Variants in USP45 observed in about 807,000 individuals in gnomAD.
The protein encoded by USP45 is ubiquitin specific peptidase 45.
In USP45, 89 loss-of-function variants were observed where a neutral mutation model predicts 95.8. The ratio of observed to expected loss-of-function variants is 0.93; its 90% CI spans 0.78 to 1.11. The LOEUF is 1.11. USP45 is among the 50% of genes least tolerant of loss of function. The pLI is 0.00. For missense variants in USP45, 898 were observed against 942.5 expected (o/e 0.95, Z 0.62); for synonymous variants, 281 against 316.2 (o/e 0.89, Z 1.18).
intron 13 of USP45, among the ~76,000 whole-genome samples, chr6:99,456,513 T>C (rs1785127461): frequency 6.6e-6 from 1 of 152,182 alleles, no homozygotes; most frequent in Admixed American, 6.5e-5. Flanking sequence ...TTCATGGACA[T>C]TTATTAGTTC....
At chr6:99,473,964 G>A in intron 9 of USP45, among the ~76,000 whole-genome samples, 1 of 152,032 alleles carries the variant, frequency 6.6e-6, no homozygotes. Context: ...TAGAGAGGTG[G>A]CAGAAAAGGA....
chr6:99,470,554 C>T (rs779280257), intron 9 of USP45, among the ~76,000 whole-genome samples: 13 of 151,932 alleles, frequency 8.6e-5, no homozygotes, highest in Non-Finnish European at 1.8e-4. Flanking sequence ...CAATTCATAC[C>T]GTGTGACACA....
chr6:99,444,207 A>T (rs1456675472), intron 14 of USP45, among the ~76,000 whole-genome samples: 1 of 152,010 alleles, frequency 6.6e-6, no homozygotes, highest in African/African-American at 2.4e-5. Context: ...TAGACATGGG[A>T]TCTCACTATG....
intron 5 of USP45, among the ~76,000 whole-genome samples, chr6:99,495,680 A>T (rs1382711481): frequency 1.3e-5 from 2 of 152,218 alleles, no homozygotes; most frequent in Admixed American, 6.5e-5. Flanking sequence ...TAAGACACTA[A>T]CAAAATGCCA....
intron 8 of USP45, among the ~76,000 whole-genome samples, chr6:99,479,841 T>C (rs1050838327): frequency 2.8e-4 from 42 of 152,350 alleles, no homozygotes; most frequent in Non-Finnish European, 2.1e-4. Context: ...TAACATTGTA[T>C]TGGTGGTCCT....
intron 5 of USP45, among the ~76,000 whole-genome samples, chr6:99,497,756 A>C (rs1366841249): frequency 1.3e-5 from 2 of 152,186 alleles, no homozygotes; most frequent in East Asian, 3.8e-4. Context: ...TATCTGTACA[A>C]GGCCCTTAAA....
chr6:99,460,653 C>A, intron 13 of USP45: 1 of 342,016 alleles, frequency 2.9e-6, no homozygotes, highest in Middle Eastern at 1.4e-3. Flanking sequence ...TTGATAGATA[C>A]CGTAACTACA....
At chr6:99,443,729 A>G in intron 14 of USP45, 67 bp from the exon 15 acceptor site, 1 of 1,046,282 alleles carries the variant, frequency 9.6e-7, no homozygotes, top group Non-Finnish European at 1.3e-6. Context: ...TATAATAAAA[A>G]TTTATACAGA....
intron 5 of USP45, among the ~76,000 whole-genome samples, chr6:99,492,344 G>A (rs1164303648): frequency 1.3e-5 from 2 of 152,108 alleles, no homozygotes; most frequent in Non-Finnish European, 2.9e-5. Flanking sequence ...ATACCCACAG[G>A]GCAGTGGCAA....
At position 99,503,796 on chromosome 6, in the gene USP45, A is replaced by G; in HGVS notation, c.447T>C (p.Phe149=). 2 of 1,602,082 alleles carry G rather than the reference A, an allele frequency of 1.2e-6. No individual in the cohort carries two copies. The change falls in exon 5 of 18, where the codon TTT becomes TTC. Residue 149 remains phenylalanine (F), a synonymous_variant. Transcript: ENST00000500704. ...NKKVLAQIVD[F]LQKHASKTQT... is the part of the protein sequence containing the mutation. ...GTGTTTTAGAAGCATGTTTCTGGAG[A>G]AAATCAACTATCTGAGCCAAAACCT...
At chr6:99,499,099 A>G (rs1021921604) in intron 5 of USP45, among the ~76,000 whole-genome samples, 1 of 152,176 alleles carries the variant, frequency 6.6e-6, no homozygotes, top group Non-Finnish European at 1.5e-5. Flanking sequence ...AGTGATGCCT[A>G]AAAGTAAAGG....
intron 13 of USP45, among the ~76,000 whole-genome samples, chr6:99,447,257 CT>C: frequency 6.6e-6 from 1 of 152,264 alleles, no homozygotes; most frequent in South Asian, 2.1e-4. Context: ...TTCCACACAG[CT>C]GATGGCTTGA....
intron 8 of USP45, among the ~76,000 whole-genome samples, chr6:99,477,489 T>C (rs1175670365): frequency 6.6e-6 from 1 of 152,068 alleles, no homozygotes; most frequent in African/African-American, 2.4e-5. Context: ...ATTTTTGTAT[T>C]TTTAGTAGAG....
intron 7 of USP45, among the ~76,000 whole-genome samples, chr6:99,487,219 A>G (rs978705250): frequency 2.0e-5 from 3 of 152,216 alleles, no homozygotes; most frequent in Non-Finnish European, 4.4e-5. Flanking sequence ...CTAGTAAAGT[A>G]GCATTCCTTC....
Position 99,439,750 on chromosome 6 carries a change from A to G in USP45, c.2160+19T>C, listed in dbSNP as rs1554225046. 1 of 1,479,550 alleles carries G rather than the reference A, an allele frequency of 6.8e-7. No homozygotes were observed. Among genetic ancestry groups the G allele is most frequent in the East Asian group, 2.5e-5 (1 of 40,174 alleles). The allele number at this position is 1,479,550 out of a possible 1,614,324, so 91.7% of individuals were successfully genotyped here. A position where few individuals can be genotyped will look rare whatever the true frequency, so the allele number is the denominator to read the frequency against. On this transcript the variant is annotated intron_variant, in intron 16 of 17. Coordinates refer to ENST00000500704, the MANE Select transcript of USP45 (RefSeq NM_001346022.3). ...GCATATTAATTTATAAATCAATTAA[A>G]TATCTTAATATACTGTACCTTACAA...
chr6:99,468,558 C>A lies in USP45; in HGVS notation c.994G>T (p.Glu332Ter), dbSNP rs777405840. The change falls in exon 10 of 18, where the codon GAA (glutamate) becomes TAA (stop). Residue 332 changes from glutamate to a stop codon, truncating the protein, a stop_gained. Coordinates refer to ENST00000500704, the MANE Select transcript of USP45 (RefSeq NM_001346022.3). LOFTEE classifies it high-confidence loss of function. ...NNPTTKTADDETRKKVKAYGK... is the reference protein window; with the variant it reads ...NNPTTKTADD ...ATACCTTTGACTTTTTTTCTAGTTT[C>A]ATCATCAGCAGTTTTAGTAGTTGGG... 7 of 1,606,926 alleles carry A rather than the reference C, an allele frequency of 4.4e-6. No individual in the cohort carries two copies. The highest frequency in any genetic ancestry group is 2.7e-5 in the African/African-American group (2 of 74,722).
chr6:99,503,186 C>T (rs2128784784), intron 5 of USP45, among the ~76,000 whole-genome samples: 1 of 152,198 alleles, frequency 6.6e-6, no homozygotes, highest in East Asian at 1.9e-4. Flanking sequence ...TGACCATGGC[C>T]AGTAAGTGGG....
At chr6:99,484,239 C>A (rs1366726686) in intron 7 of USP45, among the ~76,000 whole-genome samples, 1 of 151,412 alleles carries the variant, frequency 6.6e-6, no homozygotes, top group Non-Finnish European at 1.5e-5. Flanking sequence ...GTGCGGTCAG[C>A]TCACTGTAAC....
chr6:99,465,431 G>A (rs1287681048), intron 11 of USP45, among the ~76,000 whole-genome samples: 3 of 152,136 alleles, frequency 2.0e-5, no homozygotes, highest in African/African-American at 7.2e-5. Context: ...TAACTAAAGA[G>A]ACTAGACATT....
Sources: allele counts gnomAD v4.1 joint callset (sites outside exome capture counted in the v4.1 genomes callset), GRCh38; gene constraint gnomAD v4.1.1; transcripts MANE v1.5; gene names NCBI Gene and HGNC (gene_info 2026-07-23, HGNC 2026-07-21).